DLGAP1: variants seen among roughly 807,000 people sequenced by gnomAD.
DLGAP1 encodes the protein DLG associated protein 1, also known as disks large-associated protein 1.
DLGAP1 carries 11 observed loss-of-function variants against 90.8 expected under a neutral mutation model. The ratio of observed to expected loss-of-function variants is 0.12; its 90% CI spans 0.08 to 0.20. The LOEUF (loss-of-function observed/expected upper bound fraction) is 0.20. DLGAP1 is among the 10% of genes least tolerant of loss of function. The probability of loss-of-function intolerance (pLI) is 1.00; values close to 1 mark genes in which losing one functional copy is unlikely to be tolerated. For synonymous variants in DLGAP1, 558 were observed against 540.7 expected, an observed-to-expected ratio of 1.03 and a Z score of -0.44; for missense variants, 1,050 against 1,333.8, an observed-to-expected ratio of 0.79 and a Z score of 3.31.
At chr18:3,600,989 T>G (rs62084034) in intron 7 of DLGAP1, among the ~76,000 whole-genome samples, 7,614 of 50,592 alleles carry the variant, frequency 0.15, 1,168 homozygotes, top group African/African-American at 0.31. Flanking sequence ...TAGATATAGA[T>G]ATATAGATAT....
intron 3 of DLGAP1, among the ~76,000 whole-genome samples, chr18:3,934,548 G>A (rs773220153): frequency 6.6e-6 from 1 of 152,162 alleles, no homozygotes; most frequent in African/African-American, 2.4e-5. Context: ...GTATTATAGG[G>A]AAGGGGTATT....
intron 1 of DLGAP1, among the ~76,000 whole-genome samples, chr18:4,368,599 T>A (rs1598297039): frequency 6.6e-6 from 1 of 151,140 alleles, no homozygotes; most frequent in African/African-American, 2.4e-5. Context: ...CAAATTCATA[T>A]GAACCAATTC....
At chr18:3,695,328 G>A (rs773375914) in intron 7 of DLGAP1, among the ~76,000 whole-genome samples, 2 of 152,016 alleles carry the variant, frequency 1.3e-5, no homozygotes, top group Non-Finnish European at 2.9e-5. Flanking sequence ...GAGTTTTTAC[G>A]GTTTTAGGTC....
chr18:3,686,996 A>C (rs1194287377), intron 7 of DLGAP1, among the ~76,000 whole-genome samples: 1 of 152,196 alleles, frequency 6.6e-6, no homozygotes, highest in Non-Finnish European at 1.5e-5. Flanking sequence ...GCAGGCTAAG[A>C]AAGACTCAGT....
Position 4,112,975 on chromosome 18 carries a change from T to C in DLGAP1, c.-159+38205A>G, listed in dbSNP as rs112156898. Among the ~76,000 whole-genome samples, 687 of 152,264 alleles carry C rather than the reference T, an allele frequency of 4.5e-3. 4 individuals carry two copies. The highest frequency in any genetic ancestry group is 0.025 in the South Asian group (121 of 4,820). On this transcript the variant is annotated intron_variant, in intron 2 of 12. Transcript: ENST00000315677. ...TTTATAGCTATGTAGTATTCTGTGG[T>C]ATGTATGTACCACATTTCCTTTATC...
chr18:3,981,302 C>A (rs561901179), intron 3 of DLGAP1, among the ~76,000 whole-genome samples: 3 of 152,238 alleles, frequency 2.0e-5, no homozygotes, highest in Non-Finnish European at 2.9e-5. Context: ...CAACTCAGCA[C>A]AGGGAGAAGT....
intron 3 of DLGAP1, among the ~76,000 whole-genome samples, chr18:3,923,661 A>T (rs1053754040): frequency 6.6e-6 from 1 of 152,198 alleles, no homozygotes; most frequent in South Asian, 2.1e-4. Flanking sequence ...TCCATTTTTT[A>T]AATTCCAAAG....
chr18:3,797,024 T>C (rs2066024444), intron 5 of DLGAP1, among the ~76,000 whole-genome samples: 1 of 152,188 alleles, frequency 6.6e-6, no homozygotes, highest in South Asian at 2.1e-4. Flanking sequence ...ATGATGGGAA[T>C]AGTGTTCTTA....
At chr18:4,315,862 G>A (rs923832335) in intron 1 of DLGAP1, among the ~76,000 whole-genome samples, 4 of 152,172 alleles carry the variant, frequency 2.6e-5, no homozygotes, top group Non-Finnish European at 5.9e-5. Context: ...CACATAGTAA[G>A]TGCTCAAAAA....
intron 2 of DLGAP1, among the ~76,000 whole-genome samples, chr18:4,136,698 A>T (rs2076407133): frequency 6.6e-6 from 1 of 152,064 alleles, no homozygotes; most frequent in Non-Finnish European, 1.5e-5. Context: ...TTGTCTCTTC[A>T]CTTTGTTGAT....
chr18:4,368,886 C>T (rs931858280), intron 1 of DLGAP1, among the ~76,000 whole-genome samples: 1 of 152,118 alleles, frequency 6.6e-6, no homozygotes, highest in Non-Finnish European at 1.5e-5. Context: ...GATGGACAGA[C>T]AGACAGGAGA....
chr18:3,802,194 A>T (rs997945821), intron 5 of DLGAP1, among the ~76,000 whole-genome samples: 1 of 152,024 alleles, frequency 6.6e-6, no homozygotes, highest in African/African-American at 2.4e-5. Context: ...CATATTGGCC[A>T]GGCTGGTCTT....
At chr18:3,686,193 AACAAACAG>A (rs1598348677) in intron 7 of DLGAP1, among the ~76,000 whole-genome samples, 2 of 114,194 alleles carry the variant, frequency 1.8e-5, no homozygotes, top group Non-Finnish European at 3.6e-5. Context: ...CAAACAAACA[AACAAACAG>A]AATAAACTAA....
At chr18:3,650,407 T>C (rs558153384) in intron 7 of DLGAP1, among the ~76,000 whole-genome samples, 25 of 152,232 alleles carry the variant, frequency 1.6e-4, no homozygotes, top group Admixed American at 1.3e-4. Flanking sequence ...GAGGACAGCT[T>C]GAGGCCAGCA....
At chr18:3,757,655 C>T (rs941371235) in intron 5 of DLGAP1, among the ~76,000 whole-genome samples, 11 of 152,164 alleles carry the variant, frequency 7.2e-5, no homozygotes, top group Non-Finnish European at 1.3e-4. Flanking sequence ...ACAAGATCGT[C>T]TCACATAGAA....
intron 5 of DLGAP1, among the ~76,000 whole-genome samples, chr18:3,799,400 T>C (rs1809854102): frequency 1.3e-5 from 2 of 152,120 alleles, no homozygotes; most frequent in East Asian, 1.9e-4. Flanking sequence ...GGGGGTTTCT[T>C]CATAGCGTTC....
intron 1 of DLGAP1, among the ~76,000 whole-genome samples, chr18:4,193,649 A>AT (rs1343702240): frequency 2.6e-5 from 4 of 152,226 alleles, no homozygotes; most frequent in Non-Finnish European, 5.9e-5. Flanking sequence ...AAATGGATAC[A>AT]TTTTTTATGG....
At chr18:4,218,297 T>C (rs2078000527) in intron 1 of DLGAP1, among the ~76,000 whole-genome samples, 1 of 152,010 alleles carries the variant, frequency 6.6e-6, no homozygotes, top group Non-Finnish European at 1.5e-5. Context: ...TGTTAATTAT[T>C]GTAGCTTTGT....
At chr18:3,994,152 C>T (rs1246671848) in intron 3 of DLGAP1, among the ~76,000 whole-genome samples, 1 of 152,096 alleles carries the variant, frequency 6.6e-6, no homozygotes, top group Non-Finnish European at 1.5e-5. Flanking sequence ...TGCCTGGCAC[C>T]GGGTGATCCA....
Sources: allele counts gnomAD v4.1 joint callset (sites outside exome capture counted in the v4.1 genomes callset), GRCh38; gene constraint gnomAD v4.1.1; transcripts MANE v1.5; gene names NCBI Gene and HGNC (gene_info 2026-07-23, HGNC 2026-07-21).